FYB2: variants seen among roughly 807,000 people sequenced by gnomAD.
FYB2 encodes FYN binding protein 2.
FYB2 carries 103 observed loss-of-function variants against 94.1 expected under a neutral mutation model. That is an observed-to-expected ratio of 1.09 (90% CI 0.93 to 1.29). The LOEUF is 1.29. FYB2 is among the 50% of genes most tolerant of loss of function. FYB2 has a pLI of 0.00. For missense variants in FYB2, 896 were observed against 841.5 expected, an observed-to-expected ratio of 1.06 and a Z score of -0.80; for synonymous variants, 293 against 287.9, an observed-to-expected ratio of 1.02 and a Z score of -0.18.
At chr1:56,822,462 T>C (rs1557683133), upstream of FYB2, among the ~76,000 whole-genome samples, 1 of 152,234 alleles carries the variant, frequency 6.6e-6, no homozygotes, top group East Asian at 1.9e-4. Context: ...CAAAATCTTC[T>C]AGATATTTCT....
intron 13 of FYB2, among the ~76,000 whole-genome samples, chr1:56,739,231 CATT>C (rs889527843): frequency 7.9e-5 from 12 of 152,192 alleles, no homozygotes; most frequent in African/African-American, 2.9e-4. Context: ...ATATTTAAAA[CATT>C]AGCATTCTCA....
At chr1:56,758,565 G>A in intron 6 of FYB2, 151 bp downstream of exon 6, 1 of 567,470 alleles carries the variant, frequency 1.8e-6, no homozygotes, top group Admixed American at 4.0e-5. Context: ...TCAAAGTGCA[G>A]ACTCTTAGAA....
chr1:56,749,157 G>T, intron 9 of FYB2, among the ~76,000 whole-genome samples: 1 of 151,532 alleles, frequency 6.6e-6, no homozygotes, highest in East Asian at 1.9e-4. Flanking sequence ...GCATGGCTAG[G>T]CATAGATTTC....
intron 15 of FYB2, among the ~76,000 whole-genome samples, chr1:56,733,832 A>T (rs925008211): frequency 1.3e-5 from 2 of 152,086 alleles, no homozygotes; most frequent in Non-Finnish European, 2.9e-5. Context: ...TTTACTTCCA[A>T]TTATGTGATT....
At chr1:56,801,825 T>A (rs951403613) in intron 1 of FYB2, among the ~76,000 whole-genome samples, 1 of 152,182 alleles carries the variant, frequency 6.6e-6, no homozygotes, top group African/African-American at 2.4e-5. Context: ...TTCTTGCCTA[T>A]CTCCCACTCC....
intron 6 of FYB2, 85 bp downstream of exon 6, chr1:56,758,631 T>C (rs1484173870): frequency 1.9e-6 from 2 of 1,066,898 alleles, no homozygotes; most frequent in Non-Finnish European, 2.6e-6. Flanking sequence ...AAAGACATTT[T>C]TTCCCTCTAA....
chr1:56,747,993 A>G (rs917977600), intron 9 of FYB2, among the ~76,000 whole-genome samples: 38 of 152,252 alleles, frequency 2.5e-4, no homozygotes, highest in South Asian at 1.9e-3. Flanking sequence ...GATTTCTCTA[A>G]TGACCAGTGA....
intron 16 of FYB2, among the ~76,000 whole-genome samples, chr1:56,724,257 A>G (rs1245164601): frequency 6.6e-6 from 1 of 152,048 alleles, no homozygotes; most frequent in African/African-American, 2.4e-5. Flanking sequence ...GATGAATACC[A>G]TTAAGAAAAT....
At chr1:56,783,922 T>C (rs1646069567) in intron 4 of FYB2, among the ~76,000 whole-genome samples, 1 of 152,134 alleles carries the variant, frequency 6.6e-6, no homozygotes, top group South Asian at 2.1e-4. Context: ...GCTGGGAGGT[T>C]ACATAACAGC....
At chr1:56,802,629 C>T (rs765178639) in intron 1 of FYB2, among the ~76,000 whole-genome samples, 16 of 152,146 alleles carry the variant, frequency 1.1e-4, no homozygotes, top group Admixed American at 6.5e-4. Flanking sequence ...AGAAAGAAAG[C>T]CATTATTCTT....
chr1:56,743,492 T>G (rs570159682), intron 11 of FYB2, among the ~76,000 whole-genome samples: 1 of 152,052 alleles, frequency 6.6e-6, no homozygotes, highest in East Asian at 1.9e-4. Context: ...GAAACAAAGG[T>G]ACCCAGGGGA....
intron 4 of FYB2, among the ~76,000 whole-genome samples, chr1:56,786,633 A>C (rs923688880): frequency 1.3e-5 from 2 of 152,168 alleles, no homozygotes; most frequent in African/African-American, 4.8e-5. Context: ...CTTGAGCTGT[A>C]AAATGTGAGC....
chr1:56,788,879 G>A, intron 3 of FYB2, 94 bp downstream of exon 3: 1 of 1,512,620 alleles, frequency 6.6e-7, no homozygotes, highest in Non-Finnish European at 9.2e-7. Flanking sequence ...CCAGCCTCAT[G>A]GAAAAGCAGC....
chr1:56,806,016 C>A (rs1646638643), intron 1 of FYB2, among the ~76,000 whole-genome samples: 1 of 152,204 alleles, frequency 6.6e-6, no homozygotes, highest in Admixed American at 6.6e-5. Context: ...ATACGACATG[C>A]CTTTTCCTTA....
At chr1:56,783,251 G>A (rs1374218756) in intron 4 of FYB2, among the ~76,000 whole-genome samples, 1 of 152,138 alleles carries the variant, frequency 6.6e-6, no homozygotes, top group Non-Finnish European at 1.5e-5. Flanking sequence ...CTTTACAGAT[G>A]TGTGTATCGA....
At chr1:56,784,685 C>G (rs926478266) in intron 4 of FYB2, among the ~76,000 whole-genome samples, 1 of 152,182 alleles carries the variant, frequency 6.6e-6, no homozygotes, top group Middle Eastern at 3.4e-3. Flanking sequence ...CTGTTTATTT[C>G]CTTCCCAACC....
chr1:56,772,022 T>G (rs534608435), intron 4 of FYB2, among the ~76,000 whole-genome samples: 1 of 152,120 alleles, frequency 6.6e-6, no homozygotes, highest in Non-Finnish European at 1.5e-5. Flanking sequence ...TTCATTTTGC[T>G]GAAAAAGAAA....
chr1:56,807,307 G>A (rs551664218), intron 1 of FYB2, among the ~76,000 whole-genome samples: 3 of 152,272 alleles, frequency 2.0e-5, no homozygotes, highest in South Asian at 2.1e-4. Context: ...CTCCTCAGCC[G>A]ATGTGGCCAT....
chr1:56,792,112 G>C lies in FYB2; in HGVS notation c.701C>G (p.Pro234Arg). The C allele has an allele frequency of 1.9e-6, 3 of 1,611,412 alleles. No homozygotes were observed. Among genetic ancestry groups the C allele is most frequent in the Non-Finnish European group, 2.5e-6 (3 of 1,179,196 alleles). The change falls in exon 2 of 20, where the codon CCG (proline) becomes CGG (arginine). Residue 234 changes from proline to arginine, a missense_variant. Pro to Arg is a moderately radical substitution (Grantham distance 103). Coordinates refer to ENST00000343433, the MANE Select transcript of FYB2 (RefSeq NM_001004303.5). ...GATGGGCTGGCAGGGGCTGCTTGCC[G>C]GGCTCCTCTCAGGAGGTGGGTTTTC... ...SWENPPPERS[P>R]ASSPCQPIYE...
Sources: gnomAD v4.1 joint callset for allele counts (sites outside exome capture counted in the v4.1 genomes callset) on GRCh38, gnomAD v4.1.1 for gene constraint, MANE v1.5 for transcripts, NCBI Gene and HGNC (gene_info 2026-07-23, HGNC 2026-07-21) for gene names.